Variants in IGSF11 observed in about 807,000 individuals in gnomAD.
The protein encoded by IGSF11 is CXADR like 1.
A neutral mutation model predicts 41.0 loss-of-function variants in IGSF11; 22 were observed. The observed-to-expected ratio is 0.54, with a 90% CI of 0.38 to 0.77. The LOEUF is 0.77. Among genes scored for constraint, IGSF11 ranks in the 30% least tolerant of loss-of-function variants. The pLI is 0.00. For synonymous variants in IGSF11, 219 were observed against 201.3 expected, an observed-to-expected ratio of 1.09 and a Z score of -0.74; for missense variants, 444 against 530.8, an observed-to-expected ratio of 0.84 and a Z score of 1.61.
intron 1 of IGSF11, among the ~76,000 whole-genome samples, chr3:118,986,116 C>A (rs56760652): frequency 0.16 from 24,098 of 152,100 alleles, 2,692 homozygotes; most frequent in African/African-American, 0.31. Context: ...ATGTACTTCC[C>A]TCTGCCTGGA....
intron 1 of IGSF11, among the ~76,000 whole-genome samples, chr3:119,079,481 T>G (rs1205045203): frequency 6.6e-6 from 1 of 152,208 alleles, no homozygotes; most frequent in Non-Finnish European, 1.5e-5. Flanking sequence ...TTTGGAGATT[T>G]CTCAAAGAGC....
intron 1 of IGSF11, among the ~76,000 whole-genome samples, chr3:119,068,151 A>G (rs1942289587): frequency 6.6e-6 from 1 of 152,200 alleles, no homozygotes; most frequent in African/African-American, 2.4e-5. Flanking sequence ...ATCATGTTCC[A>G]TGCTGGAGAA....
intron 1 of IGSF11, chr3:118,983,339 G>A (rs1372444581): frequency 6.6e-6 from 1 of 152,098 alleles, no homozygotes; most frequent in Non-Finnish European, 1.5e-5. Flanking sequence ...TGTGTAAGTG[G>A]GCTAGCTGAG....
upstream of IGSF11, among the ~76,000 whole-genome samples, chr3:119,107,894 T>C (rs1464490708): frequency 6.8e-6 from 1 of 147,428 alleles, no homozygotes; most frequent in Non-Finnish European, 1.5e-5. Flanking sequence ...GATCAGATAG[T>C]TGTAGATATG....
At chr3:119,075,075 G>T (rs1030678904) in intron 1 of IGSF11, among the ~76,000 whole-genome samples, 2 of 152,002 alleles carry the variant, frequency 1.3e-5, no homozygotes, top group Non-Finnish European at 2.9e-5. Flanking sequence ...AAGTAAGATA[G>T]ATATACCACT....
chr3:118,912,618 T>TA (rs1296741039), intron 4 of IGSF11, among the ~76,000 whole-genome samples: 6 of 152,078 alleles, frequency 3.9e-5, no homozygotes, highest in Non-Finnish European at 7.3e-5. Context: ...ACCTACAGCT[T>TA]AGAGAAACTA....
At chr3:119,020,970 C>T (rs1468423145) in intron 1 of IGSF11, among the ~76,000 whole-genome samples, 1 of 152,104 alleles carries the variant, frequency 6.6e-6, no homozygotes, top group Non-Finnish European at 1.5e-5. Flanking sequence ...CTTTATAACT[C>T]ACAGTGGTGT....
intron 1 of IGSF11, among the ~76,000 whole-genome samples, chr3:119,047,059 C>A (rs1484659870): frequency 6.8e-6 from 1 of 147,950 alleles, no homozygotes; most frequent in Non-Finnish European, 1.5e-5. Flanking sequence ...AATGTAAAGA[C>A]CATCGAGACT....
intron 1 of IGSF11, among the ~76,000 whole-genome samples, chr3:119,101,377 C>T (rs553155001): frequency 5.3e-5 from 8 of 151,878 alleles, no homozygotes; most frequent in African/African-American, 1.7e-4. Flanking sequence ...AGCGTGGTGG[C>T]GCATGTCTGT....
At chr3:119,092,269 A>G (rs546268071) in intron 1 of IGSF11, among the ~76,000 whole-genome samples, 1 of 152,328 alleles carries the variant, frequency 6.6e-6, no homozygotes, top group East Asian at 1.9e-4. Context: ...AAGATTAAAC[A>G]AAGTTAAAAT....
rs1017912482 is a variant in IGSF11, at chr3:119,130,199, G to T, written c.-14+15614C>A. The stretch of plus-strand genomic sequence containing the variant: ...TGAGATACCTGGTTCGTCTCACTGG[G>T]ACTGGTTGGAGAATGGGTGCAGCCC... On this transcript the variant is annotated intron_variant, in intron 1 of 7. Transcript: ENST00000425327. Among the ~76,000 whole-genome samples the T allele has an allele frequency of 6.6e-5, 10 of 152,114 alleles. 1 individual carries two copies. Among genetic ancestry groups the T allele is most frequent in the African/African-American group, 2.4e-4 (10 of 41,418 alleles).
intron 1 of IGSF11, among the ~76,000 whole-genome samples, chr3:119,003,741 C>A (rs1170920083): frequency 2.0e-5 from 3 of 151,808 alleles, no homozygotes; most frequent in Non-Finnish European, 4.4e-5. Context: ...TTGTCTTTGG[C>A]TCTCTTTATA....
chr3:119,097,234 A>G (rs537430257), intron 1 of IGSF11, among the ~76,000 whole-genome samples: 1 of 152,316 alleles, frequency 6.6e-6, no homozygotes, highest in East Asian at 1.9e-4. Flanking sequence ...AAAGGAAATC[A>G]CTGTCAGAAG....
chr3:119,114,312 T>A (rs188089470), intron 1 of IGSF11, among the ~76,000 whole-genome samples: 24 of 152,350 alleles, frequency 1.6e-4, no homozygotes, highest in Non-Finnish European at 2.9e-4. Flanking sequence ...TTATACTCTG[T>A]TACCCTTTTA....
At chr3:118,944,391 T>C (rs1943951530) in intron 1 of IGSF11, among the ~76,000 whole-genome samples, 1 of 151,866 alleles carries the variant, frequency 6.6e-6, no homozygotes, top group African/African-American at 2.4e-5. Context: ...TGGGCTTTTC[T>C]CAGGTTCAGC....
chr3:118,928,535 A>G lies in IGSF11; in HGVS notation c.398T>C (p.Ile133Thr). The change falls in exon 3 of 7, where the codon ATT becomes ACT. Residue 133 changes from isoleucine to threonine, a missense_variant. Ile to Thr is a moderately conservative substitution (Grantham distance 89). Around this residue, in one of 3 missense-constraint regions of IGSF11, gnomAD observed 193 missense variants for 283.5 expected, o/e 0.68. Transcript: ENST00000393775. ...NNLPDIGGRN[I>T]GVTGLTVLVP... The stretch of plus-strand genomic sequence containing the variant: ...TAACACTGTGAGACCGGTGACCCCA[A>G]TGTTCCTGCCCCCTATGTCTGGAAG... 4 of 1,613,154 alleles carry G rather than the reference A, an allele frequency of 2.5e-6. No individual in the cohort carries two copies. The highest frequency in any genetic ancestry group is 3.4e-6 in the Non-Finnish European group (4 of 1,179,926).
intron 1 of IGSF11, among the ~76,000 whole-genome samples, chr3:118,980,241 C>T (rs556377415): frequency 6.6e-6 from 1 of 152,118 alleles, no homozygotes; most frequent in African/African-American, 2.4e-5. Context: ...CACTGCAGCA[C>T]TATTCATAGT....
intron 1 of IGSF11, among the ~76,000 whole-genome samples, chr3:119,005,231 CT>C (rs1288840681): frequency 2.1e-4 from 30 of 146,012 alleles, no homozygotes; most frequent in African/African-American, 7.2e-4. Flanking sequence ...CCTTCTTTGT[CT>C]CTTTTGATCT....
At chr3:119,058,999 A>G in intron 1 of IGSF11, among the ~76,000 whole-genome samples, 1 of 151,870 alleles carries the variant, frequency 6.6e-6, no homozygotes, top group Non-Finnish European at 1.5e-5. Flanking sequence ...GGGGAGGGAT[A>G]GCATTAGGAG....
Sources: gnomAD v4.1 joint callset for allele counts (sites outside exome capture counted in the v4.1 genomes callset) on GRCh38, gnomAD v4.1.1 for gene constraint, gnomAD v4.1.1 regional missense constraint, MANE v1.5 for transcripts, NCBI Gene and HGNC (gene_info 2026-07-23, HGNC 2026-07-21) for gene names.